NRG1: variants seen among roughly 807,000 people sequenced by gnomAD.
NRG1 encodes neuregulin 1.
In NRG1, 18 loss-of-function variants were observed where a neutral mutation model predicts 63.8. The observed-to-expected ratio is 0.28, with a 90% CI of 0.19 to 0.42. NRG1 has a LOEUF of 0.42. NRG1 is among the 10% of genes least tolerant of loss of function. The pLI, the probability that NRG1 is intolerant of heterozygous loss-of-function variation, is 1.00. For missense variants in NRG1, 762 were observed against 814.7 expected (o/e 0.94, Z 0.79); for synonymous variants, 302 against 301.3 (o/e 1.00, Z -0.02).
At chr8:32,598,178 C>A (rs943742306) in intron 2 of NRG1, among the ~76,000 whole-genome samples, 1 of 151,872 alleles carries the variant, frequency 6.6e-6, no homozygotes, top group Non-Finnish European at 1.5e-5. Flanking sequence ...CAGAGATTAT[C>A]TAGTTCAGTC....
intron 1 of NRG1, among the ~76,000 whole-genome samples, chr8:32,092,033 G>C (rs1320363804): frequency 6.6e-6 from 1 of 151,762 alleles, no homozygotes; most frequent in Admixed American, 6.6e-5. Context: ...AAGACACTAA[G>C]ACCATTCACA....
chr8:32,487,150 T>TAAAAA (rs5890654), intron 1 of NRG1, among the ~76,000 whole-genome samples: 1 of 143,820 alleles, frequency 7.0e-6, no homozygotes. Flanking sequence ...CCACTATTGA[T>TAAAAA]AAAAAAAAAA....
At chr8:31,738,239 T>C (rs2131385819) in intron 1 of NRG1, among the ~76,000 whole-genome samples, 2 of 152,136 alleles carry the variant, frequency 1.3e-5, no homozygotes, top group South Asian at 4.2e-4. Context: ...TGAAAAGTCT[T>C]TTGCAAGAGT....
chr8:31,964,786 T>C (rs1806046568), intron 1 of NRG1, among the ~76,000 whole-genome samples: 1 of 152,236 alleles, frequency 6.6e-6, no homozygotes, highest in African/African-American at 2.4e-5. Flanking sequence ...GAGTTCGTTT[T>C]CTTTAACAGA....
At chr8:31,960,571 C>A (rs1422176177) in intron 1 of NRG1, among the ~76,000 whole-genome samples, 1 of 152,190 alleles carries the variant, frequency 6.6e-6, no homozygotes, top group Admixed American at 6.5e-5. Context: ...GAACAATTAA[C>A]TTTATTTTCC....
Position 31,770,790 on chromosome 8 carries a change from T to TAC in NRG1, c.37+131360_37+131361insCA, listed in dbSNP as rs1448082724. On this transcript the variant is annotated intron_variant, in intron 1 of 10. Transcript: ENST00000519301. ...ATAAACATATATATATATATATATA[T>TAC]ATATATACATATATAAACTTGTTTT... Among the ~76,000 whole-genome samples the TAC allele has an allele frequency of 3.4e-3, 496 of 147,928 alleles. 8 individuals are homozygous for TAC. Among genetic ancestry groups the TAC allele is most frequent in the Admixed American group, 0.021 (310 of 14,712 alleles).
At chr8:32,418,411 A>G (rs1293551118) in intron 1 of NRG1, among the ~76,000 whole-genome samples, 1 of 151,914 alleles carries the variant, frequency 6.6e-6, no homozygotes, top group Non-Finnish European at 1.5e-5. Context: ...TTATATACAT[A>G]GAACATTGTC....
intron 1 of NRG1, among the ~76,000 whole-genome samples, chr8:31,918,406 C>G (rs926258546): frequency 5.9e-5 from 9 of 152,118 alleles, no homozygotes; most frequent in Non-Finnish European, 1.2e-4. Flanking sequence ...GAGTTTTTAG[C>G]ATGAAGAGTT....
intron 1 of NRG1, among the ~76,000 whole-genome samples, chr8:32,237,393 A>ATTGCTTTT (rs1847676387): frequency 6.6e-6 from 1 of 152,044 alleles, no homozygotes; most frequent in Non-Finnish European, 1.5e-5. Flanking sequence ...AAACCAGAGA[A>ATTGCTTTT]TTGCTTTTTT....
At chr8:32,603,613 G>A (rs1462902772) in intron 2 of NRG1, among the ~76,000 whole-genome samples, 1 of 152,146 alleles carries the variant, frequency 6.6e-6, no homozygotes, top group African/African-American at 2.4e-5. Context: ...GAGCAGCTGA[G>A]ACTACAGGCT....
At chr8:32,018,275 A>G (rs756830718) in intron 1 of NRG1, among the ~76,000 whole-genome samples, 35 of 152,310 alleles carry the variant, frequency 2.3e-4, no homozygotes, top group Admixed American at 1.8e-3. Context: ...AGGGGAAACA[A>G]CTTTTACTTG....
At chr8:31,743,388 C>A (rs1299255951) in intron 1 of NRG1, among the ~76,000 whole-genome samples, 1 of 151,894 alleles carries the variant, frequency 6.6e-6, no homozygotes. Flanking sequence ...TTGTACTATT[C>A]CCTGTTCATG....
At chr8:32,247,814 CAT>C (rs1418440809) in intron 1 of NRG1, among the ~76,000 whole-genome samples, 1 of 152,040 alleles carries the variant, frequency 6.6e-6, no homozygotes, top group Non-Finnish European at 1.5e-5. Flanking sequence ...TATTTTAAGA[CAT>C]GGAATCTTTG....
chr8:31,991,333 CTT>C (rs1266239516), intron 1 of NRG1, among the ~76,000 whole-genome samples: 2 of 151,494 alleles, frequency 1.3e-5, no homozygotes, highest in East Asian at 1.9e-4. Flanking sequence ...CTCTTTTTCT[CTT>C]TCTTTCCTCT....
chr8:32,623,996 T>G (rs182200851), intron 5 of NRG1, among the ~76,000 whole-genome samples: 1 of 152,276 alleles, frequency 6.6e-6, no homozygotes, highest in Non-Finnish European at 1.5e-5. Context: ...GATATAGATA[T>G]AGATCATTGA....
Position 32,485,221 on chromosome 8 carries a change from A to G in NRG1, c.38-110607A>G, listed in dbSNP as rs566069084. On this transcript the variant is annotated intron_variant, in intron 1 of 10. Transcript: ENST00000519301. The stretch of plus-strand genomic sequence containing the variant: ...CCTCTGCCTCTTGGGTTCAAGCGAT[A>G]CTCCTGCCTCAGCCTCCCAAGGAGC... Among the ~76,000 whole-genome samples, 3 of 150,760 alleles carry G rather than the reference A, an allele frequency of 2.0e-5. No individual in the cohort carries two copies. In the South Asian group the frequency reaches 6.3e-4, roughly 31 times the overall value.
At chr8:32,203,823 T>C (rs1430306457) in intron 1 of NRG1, among the ~76,000 whole-genome samples, 4 of 152,070 alleles carry the variant, frequency 2.6e-5, no homozygotes, top group African/African-American at 9.7e-5. Flanking sequence ...GCAATCCCCA[T>C]CAGAATCAGC....
At chr8:31,742,981 C>T (rs1028157402) in intron 1 of NRG1, among the ~76,000 whole-genome samples, 1 of 151,946 alleles carries the variant, frequency 6.6e-6, no homozygotes, top group African/African-American at 2.4e-5. Context: ...AATAGCTAGC[C>T]ATTTTATCCA....
intron 1 of NRG1, among the ~76,000 whole-genome samples, chr8:32,549,479 G>A (rs941938383): frequency 1.3e-5 from 2 of 152,208 alleles, no homozygotes; most frequent in Admixed American, 6.5e-5. Flanking sequence ...TCCAGTGTCA[G>A]GAATCAGCTC....
Sources: gnomAD v4.1 joint callset for allele counts (sites outside exome capture counted in the v4.1 genomes callset) on GRCh38, gnomAD v4.1.1 for gene constraint, MANE v1.5 for transcripts, NCBI Gene and HGNC (gene_info 2026-07-23, HGNC 2026-07-21) for gene names.